ELF2: variants seen among roughly 807,000 people sequenced by gnomAD.
ELF2 encodes E74 like ETS transcription factor 2.
Under a neutral mutation model 54.8 loss-of-function variants are expected in ELF2, and 11 were observed. That is an observed-to-expected ratio of 0.20 (90% CI 0.13 to 0.33). The LOEUF (loss-of-function observed/expected upper bound fraction) is 0.33. Among genes scored for constraint, ELF2 ranks in the 10% least tolerant of loss-of-function variants. ELF2 has a pLI of 1.00. For missense variants in ELF2, 513 were observed against 703.0 expected (o/e 0.73, Z 3.06); for synonymous variants, 203 against 245.1 (o/e 0.83, Z 1.61).
At chr4:139,107,699 C>T (rs900062867) in intron 4 of ELF2, among the ~76,000 whole-genome samples, 61 of 152,062 alleles carry the variant, frequency 4.0e-4, no homozygotes, top group African/African-American at 1.4e-3. Context: ...TTAGTAACTC[C>T]CTTAATCTTC....
chr4:139,139,827 T>A (rs1738532705), intron 1 of ELF2, among the ~76,000 whole-genome samples: 1 of 152,018 alleles, frequency 6.6e-6, no homozygotes, highest in African/African-American at 2.4e-5. Context: ...TAATAACAGG[T>A]TCTTAGTAAG....
At chr4:139,075,767 G>A (rs540184479) in intron 4 of ELF2, among the ~76,000 whole-genome samples, 89 of 152,224 alleles carry the variant, frequency 5.8e-4, no homozygotes, top group African/African-American at 2.0e-3. Flanking sequence ...ACAACCCACT[G>A]ACCTTACAAG....
intron 2 of ELF2, 92 bp from the exon 3 acceptor site, chr4:139,137,959 TTAAC>T: frequency 1.1e-6 from 1 of 900,144 alleles, no homozygotes. Context: ...ATTTTAACAC[TTAAC>T]TAAGAAAAAG....
At chr4:139,137,479 C>A in intron 3 of ELF2, 151 bp downstream of exon 3, 1 of 754,032 alleles carries the variant, frequency 1.3e-6, no homozygotes, top group Non-Finnish European at 2.1e-6. Context: ...CCTTCTATTA[C>A]CTAAATTATA....
At chr4:139,098,062 T>C (rs993927890) in intron 4 of ELF2, among the ~76,000 whole-genome samples, 5 of 152,250 alleles carry the variant, frequency 3.3e-5, no homozygotes, top group Non-Finnish European at 7.3e-5. Flanking sequence ...CTATGGAACA[T>C]GGTTAAAAAC....
At chr4:139,093,151 G>C (rs1406166532) in intron 4 of ELF2, among the ~76,000 whole-genome samples, 1 of 151,864 alleles carries the variant, frequency 6.6e-6, no homozygotes, top group Non-Finnish European at 1.5e-5. Flanking sequence ...ATTTTTAGTA[G>C]AGACGGGGTT....
chr4:139,131,826 T>C (rs1489239309), intron 3 of ELF2, among the ~76,000 whole-genome samples: 1 of 149,084 alleles, frequency 6.7e-6, no homozygotes, highest in Admixed American at 6.7e-5. Context: ...ATAGAAAACA[T>C]ACACCCATAC....
chr4:139,084,277 A>G, intron 4 of ELF2: 1 of 1,603,312 alleles, frequency 6.2e-7, no homozygotes, highest in South Asian at 1.1e-5. Flanking sequence ...CCGCGGCCGG[A>G]GACACACGCC....
At chr4:139,162,436 AAGG>A (rs1165400131) in intron 1 of ELF2, among the ~76,000 whole-genome samples, 13 of 150,842 alleles carry the variant, frequency 8.6e-5, no homozygotes, top group African/African-American at 3.2e-4. Flanking sequence ...GAGGTTGAGG[AAGG>A]AGAACTGCTT....
upstream of ELF2, among the ~76,000 whole-genome samples, chr4:139,177,379 G>A (rs1342973770): frequency 6.6e-6 from 1 of 151,938 alleles, no homozygotes; most frequent in Non-Finnish European, 1.5e-5. Context: ...GGGGGGGCGG[G>A]GGCGGCACCG....
Position 139,077,654 on chromosome 4 carries a change from TA to T in ELF2, c.239-4088del, listed in dbSNP as rs1051117252. 9.7e-4 allele frequency among the ~76,000 whole-genome samples: 147 copies of T among 151,172 alleles called. 2 individuals carry two copies. The highest frequency in any genetic ancestry group is 3.3e-3 in the African/African-American group (136 of 41,314). ...TATTTCTCCTACTTGTGTCTGTAAT[TA>T]AAAAAAAAATACTATTTTGTTCAGA... On this transcript the variant is annotated intron_variant, in intron 4 of 9. Coordinates refer to ENST00000686138, the MANE Select transcript of ELF2 (RefSeq NM_001331036.3).
At chr4:139,155,904 G>C (rs1366811823) in intron 1 of ELF2, among the ~76,000 whole-genome samples, 1 of 151,980 alleles carries the variant, frequency 6.6e-6, no homozygotes, top group Non-Finnish European at 1.5e-5. Context: ...AATTAATCCA[G>C]ATGTTTAAAA....
chr4:139,102,211 T>C (rs1733942597), intron 4 of ELF2: 1 of 152,024 alleles, frequency 6.6e-6, no homozygotes, highest in Admixed American at 6.6e-5. Flanking sequence ...CCTGAAAGAC[T>C]TGTCAAACAC....
chr4:139,159,242 G>A lies in ELF2; in HGVS notation c.-252+17725C>T, dbSNP rs542597744. On this transcript the variant is annotated intron_variant, in intron 1 of 9. Coordinates refer to ENST00000686138, the MANE Select transcript of ELF2 (RefSeq NM_001331036.3). The stretch of plus-strand genomic sequence containing the variant: ...GGGAAGGGGCCTAAGAAATTCCTGA[G>A]GAGTAGTAGAATAGCAGATGGAACA... Among the ~76,000 whole-genome samples the A allele has an allele frequency of 7.2e-4, 109 of 152,240 alleles. 3 individuals carry two copies. The South Asian group carries it at 0.019, about 27-fold the overall frequency.
intron 4 of ELF2, among the ~76,000 whole-genome samples, chr4:139,121,000 C>A (rs767855018): frequency 9.2e-5 from 14 of 151,838 alleles, no homozygotes; most frequent in Admixed American, 3.3e-4. Flanking sequence ...TTCCCTAATC[C>A]TGTAAATTGA....
chr4:139,086,476 T>A (rs1731993200), intron 4 of ELF2, among the ~76,000 whole-genome samples: 1 of 152,246 alleles, frequency 6.6e-6, no homozygotes, highest in South Asian at 2.1e-4. Context: ...ATACTACTGC[T>A]TAAATGTCTA....
At chr4:139,137,504 A>G (rs1738307870) in intron 3 of ELF2, 126 bp downstream of exon 3, 1 of 927,466 alleles carries the variant, frequency 1.1e-6, no homozygotes, top group Admixed American at 2.0e-5. Context: ...GATACACGAC[A>G]TGTACATGTA....
chr4:139,173,939 AT>A (rs1420126798), intron 1 of ELF2, among the ~76,000 whole-genome samples: 1 of 151,360 alleles, frequency 6.6e-6, no homozygotes, highest in Non-Finnish European at 1.5e-5. Flanking sequence ...AAGAAAATAG[AT>A]TAGCCGGACG....
chr4:139,167,872 C>A (rs1741879803), intron 1 of ELF2, among the ~76,000 whole-genome samples: 1 of 152,140 alleles, frequency 6.6e-6, no homozygotes, highest in Admixed American at 6.6e-5. Context: ...CAGGTTTTCC[C>A]AAGATAATTG....
Sources: gnomAD v4.1 joint callset for allele counts (sites outside exome capture counted in the v4.1 genomes callset) on GRCh38, gnomAD v4.1.1 for gene constraint, MANE v1.5 for transcripts, NCBI Gene and HGNC (gene_info 2026-07-23, HGNC 2026-07-21) for gene names.